KCNMA1: variants seen among roughly 807,000 people sequenced by gnomAD.
KCNMA1 encodes Calcium-activated potassium channel subunit alpha-1.
In KCNMA1, 29 loss-of-function variants were observed where a neutral mutation model predicts 140.0. The observed-to-expected ratio is 0.21, with a 90% CI of 0.15 to 0.28. KCNMA1 has a LOEUF of 0.28. KCNMA1 is among the 10% of genes least tolerant of loss of function. The pLI is 1.00. For synonymous variants in KCNMA1, 612 were observed against 611.9 expected, an observed-to-expected ratio of 1.00 and a Z score of 0.00; for missense variants, 880 against 1,602.2, an observed-to-expected ratio of 0.55 and a Z score of 7.70.
chr10:77,331,747 C>T (rs1188403328), intron 2 of KCNMA1, among the ~76,000 whole-genome samples: 2 of 151,770 alleles, frequency 1.3e-5, no homozygotes, highest in South Asian at 2.1e-4. Context: ...TCCGGGAGGT[C>T]GAGGCTGCAG....
At chr10:77,485,578 A>G (rs187740099) in intron 1 of KCNMA1, among the ~76,000 whole-genome samples, 85 of 152,342 alleles carry the variant, frequency 5.6e-4, no homozygotes, top group African/African-American at 1.8e-3. Flanking sequence ...TGGCTCAGCC[A>G]AAGCTTCTTG....
chr10:76,985,284 C>T (rs2080938917), intron 19 of KCNMA1, among the ~76,000 whole-genome samples: 2 of 152,326 alleles, frequency 1.3e-5, no homozygotes, highest in Non-Finnish European at 2.9e-5. Context: ...AAAGGGATAG[C>T]TCTTTTTGCT....
chr10:77,513,420 G>A (rs573299313), intron 1 of KCNMA1, among the ~76,000 whole-genome samples: 14 of 152,284 alleles, frequency 9.2e-5, no homozygotes, highest in South Asian at 6.2e-4. Context: ...AGCAGCCACC[G>A]TAGCTATCGA....
At chr10:77,149,372 A>G (rs2098377862) in intron 5 of KCNMA1, among the ~76,000 whole-genome samples, 1 of 152,222 alleles carries the variant, frequency 6.6e-6, no homozygotes, top group Non-Finnish European at 1.5e-5. Flanking sequence ...AGCAAGTCTC[A>G]TTTTGTAATT....
At chr10:76,971,384 C>T (rs1481763480) in intron 19 of KCNMA1, among the ~76,000 whole-genome samples, 1 of 152,020 alleles carries the variant, frequency 6.6e-6, no homozygotes, top group Non-Finnish European at 1.5e-5. Flanking sequence ...ATGGTACTTC[C>T]CTGAAAACGC....
intron 5 of KCNMA1, among the ~76,000 whole-genome samples, chr10:77,135,676 C>T (rs1397455910): frequency 1.3e-5 from 2 of 152,118 alleles, no homozygotes; most frequent in Non-Finnish European, 2.9e-5. Flanking sequence ...AGAATAAATC[C>T]TTTCATTTGC....
At chr10:77,104,047 C>T (rs966081218) in intron 9 of KCNMA1, among the ~76,000 whole-genome samples, 2 of 152,202 alleles carry the variant, frequency 1.3e-5, no homozygotes, top group South Asian at 4.1e-4. Flanking sequence ...AACCCCAGCC[C>T]AACTCTTTAC....
intron 1 of KCNMA1, among the ~76,000 whole-genome samples, chr10:77,537,062 T>C (rs1372649249): frequency 3.3e-5 from 5 of 152,362 alleles, no homozygotes; most frequent in Non-Finnish European, 4.4e-5. Flanking sequence ...TATGTTCATA[T>C]TTATTTTCCA....
At chr10:77,150,607 A>G (rs2098401135) in intron 5 of KCNMA1, among the ~76,000 whole-genome samples, 1 of 152,232 alleles carries the variant, frequency 6.6e-6, no homozygotes, top group Admixed American at 6.5e-5. Flanking sequence ...TATCAGAACC[A>G]ACTATGGACT....
chr10:77,366,618 C>G (rs2094382128), intron 2 of KCNMA1, among the ~76,000 whole-genome samples: 1 of 152,132 alleles, frequency 6.6e-6, no homozygotes, highest in South Asian at 2.1e-4. Flanking sequence ...AGCAATGTTG[C>G]TGATGTTCCA....
intron 10 of KCNMA1, among the ~76,000 whole-genome samples, chr10:77,087,212 A>T (rs2096712024): frequency 6.6e-6 from 1 of 152,136 alleles, no homozygotes; most frequent in Non-Finnish European, 1.5e-5. Flanking sequence ...TCTGGCCCTC[A>T]GACTCAAACA....
intron 1 of KCNMA1, among the ~76,000 whole-genome samples, chr10:77,490,105 A>G (rs987146196): frequency 1.3e-5 from 2 of 152,186 alleles, no homozygotes; most frequent in African/African-American, 2.4e-5. Flanking sequence ...CAATTTGCCA[A>G]TGTCTCATGG....
At chr10:76,992,416 T>G (rs2153348923) in intron 19 of KCNMA1, among the ~76,000 whole-genome samples, 1 of 152,330 alleles carries the variant, frequency 6.6e-6, no homozygotes, top group Non-Finnish European at 1.5e-5. Flanking sequence ...TGGATTTAGC[T>G]CTGTCCATTT....
In KCNMA1 at chr10:76,886,720, G is replaced by A; in HGVS notation, c.*546C>T. The A allele has an allele frequency of 1.0e-6, 1 of 1,003,004 alleles. No homozygotes were observed. The highest frequency in any genetic ancestry group is 1.2e-6 in the Non-Finnish European group (1 of 839,804). The allele number at this position is 1,003,004 out of a possible 1,614,324, so 62.1% of individuals were successfully genotyped here. On this transcript the variant is annotated 3_prime_UTR_variant, in exon 28 of 28. Transcript: ENST00000286628. ...CACAAATCGTGAAAGCTTTTCAAAT[G>A]CTTCGCAATACTTCGGCCCAGAGAC...
At chr10:77,151,109 TTC>T (rs899355559) in intron 5 of KCNMA1, among the ~76,000 whole-genome samples, 25 of 151,976 alleles carry the variant, frequency 1.6e-4, no homozygotes, top group African/African-American at 3.1e-4. Flanking sequence ...CTCTCTTTTC[TTC>T]TCTCTCTCTT....
chr10:76,901,388 A>C (rs1220905185), intron 25 of KCNMA1: 1 of 152,182 alleles, frequency 6.6e-6, no homozygotes, highest in Non-Finnish European at 1.5e-5. Context: ...TAACTGTTCT[A>C]ATAAAAACAC....
intron 16 of KCNMA1, among the ~76,000 whole-genome samples, chr10:77,022,516 A>C (rs1052093049): frequency 6.6e-6 from 1 of 152,086 alleles, no homozygotes; most frequent in African/African-American, 2.4e-5. Flanking sequence ...GACTAGTTTT[A>C]AGTCTCGACT....
chr10:77,599,867 G>A (rs1047117374), intron 1 of KCNMA1, among the ~76,000 whole-genome samples: 9 of 152,068 alleles, frequency 5.9e-5, no homozygotes, highest in South Asian at 2.1e-4. Context: ...CTGATGGTCC[G>A]TCCTCCTGTG....
chr10:76,920,164 G>A (rs10740462), intron 23 of KCNMA1, among the ~76,000 whole-genome samples: 124,749 of 149,346 alleles, frequency 0.84, 52,211 homozygotes, highest in Middle Eastern at 0.92. Flanking sequence ...CAAGTGCATT[G>A]GAAAATGAGA....
Sources: allele counts gnomAD v4.1 joint callset (sites outside exome capture counted in the v4.1 genomes callset), GRCh38; gene constraint gnomAD v4.1.1; transcripts MANE v1.5; gene names NCBI Gene and HGNC (gene_info 2026-07-23, HGNC 2026-07-21).